The following CHN2 variants were observed in gnomAD, a reference collection of about 807,000 sequenced individuals.
The protein encoded by CHN2 is beta-chimaerin.
In CHN2, 35 loss-of-function variants were observed where a neutral mutation model predicts 56.3. That is an observed-to-expected ratio of 0.62 (90% CI 0.47 to 0.82). The LOEUF (loss-of-function observed/expected upper bound fraction) is 0.82. Among genes scored for constraint, CHN2 ranks in the 40% least tolerant of loss-of-function variants. The pLI, the probability that CHN2 is intolerant of heterozygous loss-of-function variation, is 0.00. For missense variants in CHN2, 491 were observed against 580.5 expected (o/e 0.85, Z 1.58); for synonymous variants, 210 against 212.8 (o/e 0.99, Z 0.12).
At chr7:29,230,466 G>A (rs759488827) in intron 1 of CHN2, among the ~76,000 whole-genome samples, 7 of 151,878 alleles carry the variant, frequency 4.6e-5, no homozygotes, top group Non-Finnish European at 1.0e-4. Flanking sequence ...TCAGCCTCCC[G>A]AGTAGCTGGG....
At chr7:29,332,486 T>G (rs1362793935) in intron 1 of CHN2, among the ~76,000 whole-genome samples, 1 of 152,148 alleles carries the variant, frequency 6.6e-6, no homozygotes, top group African/African-American at 2.4e-5. Context: ...TTTTGAATTT[T>G]GATCTTTTCC....
chr7:29,487,781 G>A (rs1788201587), intron 7 of CHN2, among the ~76,000 whole-genome samples: 1 of 151,532 alleles, frequency 6.6e-6, no homozygotes, highest in African/African-American at 2.4e-5. Context: ...TCCTCCAGAG[G>A]CATCCAGTAG....
chr7:29,421,737 C>A (rs758377503), intron 6 of CHN2, among the ~76,000 whole-genome samples: 11 of 152,206 alleles, frequency 7.2e-5, no homozygotes, highest in Non-Finnish European at 1.6e-4. Flanking sequence ...ATGAAGGCAA[C>A]CACATGCCTG....
intron 2 of CHN2, among the ~76,000 whole-genome samples, chr7:29,188,665 C>T (rs953136633): frequency 3.9e-5 from 6 of 151,988 alleles, no homozygotes; most frequent in Admixed American, 1.3e-4. Context: ...AGGATCTGCT[C>T]GGTTCCCTGG....
intron 1 of CHN2, among the ~76,000 whole-genome samples, chr7:29,320,662 C>T (rs1795271182): frequency 6.6e-6 from 1 of 152,158 alleles, no homozygotes; most frequent in Non-Finnish European, 1.5e-5. Flanking sequence ...GTTCCCAAAT[C>T]TTGTTATCAA....
chr7:29,146,861 A>G, exon 2 of CHN2: 1 of 1,551,180 alleles, frequency 6.4e-7, no homozygotes, highest in African/African-American at 1.4e-5. Context: ...CTTACTTGCA[A>G]GCCCAGGATT....
chr7:29,394,599 G>A (rs1801599747), intron 4 of CHN2, among the ~76,000 whole-genome samples: 1 of 152,168 alleles, frequency 6.6e-6, no homozygotes, highest in Non-Finnish European at 1.5e-5. Context: ...CAGCACCCTG[G>A]GAATTTGACC....
intron 1 of CHN2, among the ~76,000 whole-genome samples, chr7:29,303,418 A>G (rs563990389): frequency 7.9e-5 from 12 of 152,278 alleles, no homozygotes; most frequent in South Asian, 6.2e-4. Context: ...AAGCAGACGT[A>G]TCCACCCTGA....
At chr7:29,343,428 A>G (rs1369558464) in intron 1 of CHN2, among the ~76,000 whole-genome samples, 2 of 151,778 alleles carry the variant, frequency 1.3e-5, no homozygotes, top group African/African-American at 4.8e-5. Flanking sequence ...ATTTGCTTTC[A>G]TTTCTCCATC....
chr7:29,443,687 C>G (rs890489848), intron 6 of CHN2, among the ~76,000 whole-genome samples: 2 of 151,910 alleles, frequency 1.3e-5, no homozygotes, highest in African/African-American at 4.8e-5. Flanking sequence ...ATTCCAGGAC[C>G]TAGGCCAAAG....
intron 3 of CHN2, among the ~76,000 whole-genome samples, chr7:29,393,005 A>C (rs1427461639): frequency 2.0e-5 from 3 of 152,238 alleles, no homozygotes; most frequent in African/African-American, 4.8e-5. Flanking sequence ...TGTGAAAACA[A>C]AGCTCTTATG....
chr7:29,484,599 C>T (rs1430671001), intron 7 of CHN2, among the ~76,000 whole-genome samples: 2 of 152,172 alleles, frequency 1.3e-5, no homozygotes, highest in Non-Finnish European at 2.9e-5. Context: ...TATAAGGTTG[C>T]CAGCCATGGG....
intron 6 of CHN2, among the ~76,000 whole-genome samples, chr7:29,442,148 T>C (rs1481150362): frequency 6.6e-6 from 1 of 152,200 alleles, no homozygotes; most frequent in Non-Finnish European, 1.5e-5. Flanking sequence ...GAACTTTGAA[T>C]TGTATACTTT....
chr7:29,464,190 GA>G (rs36029624), intron 6 of CHN2, among the ~76,000 whole-genome samples: 1 of 152,156 alleles, frequency 6.6e-6, no homozygotes, highest in Non-Finnish European at 1.5e-5. Flanking sequence ...TTGGGCACTA[GA>G]AACTATGTGT....
In CHN2 at chr7:29,443,509, CTA is replaced by C. The variant is rs144993956; in HGVS notation, c.577-36768_577-36767del. 8.9e-4 allele frequency among the ~76,000 whole-genome samples: 136 copies of C among 152,274 alleles called. 1 individual carries two copies. In the East Asian group the frequency reaches 9.1e-3, roughly 10 times the overall value. ...ATCTCTGTCATTAAGCAATACATGACTATGTGTGTGTGTGTATATATACACAC... is the reference window on the plus strand; with the variant it reads ...ATCTCTGTCATTAAGCAATACATGACTGTGTGTGTGTGTATATATACACAC... On this transcript the variant is annotated intron_variant, in intron 6 of 12. Transcript: ENST00000222792.
chr7:29,212,176 C>T (rs1205925409), intron 1 of CHN2: 2 of 597,032 alleles, frequency 3.3e-6, no homozygotes, highest in Non-Finnish European at 5.9e-6. Context: ...TTCATCCCAA[C>T]TTCTTGATAC....
chr7:29,379,142 C>A (rs1471124859), intron 3 of CHN2, among the ~76,000 whole-genome samples: 2 of 152,198 alleles, frequency 1.3e-5, no homozygotes, highest in African/African-American at 4.8e-5. Flanking sequence ...TGATCCCAAG[C>A]CATGTTGAGA....
intron 2 of CHN2, among the ~76,000 whole-genome samples, chr7:29,165,103 T>A (rs1795734019): frequency 6.6e-6 from 1 of 152,174 alleles, no homozygotes. Context: ...GCCTGCTGAT[T>A]TTTTTATTGG....
Position 29,171,708 on chromosome 7 carries a change from A to T in CHN2, c.274+24748A>T, listed in dbSNP as rs548646448. ...TGCAGGCTAAATCCAAGCATATGAC[A>T]TAATTTAGAAATCTACCAGTGTGTC... On this transcript the variant is annotated intron_variant, in intron 2 of 6. Transcript: ENST00000439384. Among the ~76,000 whole-genome samples the T allele has an allele frequency of 9.2e-5, 14 of 152,352 alleles. 1 individual carries two copies. In the South Asian group the frequency reaches 2.9e-3, roughly 32 times the overall value.
Sources: allele counts gnomAD v4.1 joint callset (sites outside exome capture counted in the v4.1 genomes callset), GRCh38; gene constraint gnomAD v4.1.1; transcripts MANE v1.5; gene names NCBI Gene and HGNC (gene_info 2026-07-23, HGNC 2026-07-21).